Variants in MED27 observed in about 807,000 individuals in gnomAD.
The protein encoded by MED27 is mediator complex subunit 27, also known as mediator of RNA polymerase II transcription subunit 27.
In MED27, 30 loss-of-function variants were observed where a neutral mutation model predicts 38.2. The ratio of observed to expected loss-of-function variants is 0.79; its 90% CI spans 0.59 to 1.07. MED27 has a LOEUF of 1.07. Among genes scored for constraint, MED27 ranks in the 50% least tolerant of loss-of-function variants. The pLI, the probability that MED27 is intolerant of heterozygous loss-of-function variation, is 0.00. For synonymous variants in MED27, 122 were observed against 153.5 expected (o/e 0.79, Z 1.52); for missense variants, 289 against 397.5 (o/e 0.73, Z 2.32).
At chr9:131,980,582 G>A (rs1385571853) in intron 3 of MED27, among the ~76,000 whole-genome samples, 1 of 152,128 alleles carries the variant, frequency 6.6e-6, no homozygotes, top group African/African-American at 2.4e-5. Context: ...TTATCAGGAA[G>A]CATTTGACAG....
intron 2 of MED27, among the ~76,000 whole-genome samples, chr9:132,031,675 G>A (rs1415480915): frequency 6.6e-6 from 1 of 152,086 alleles, no homozygotes; most frequent in Admixed American, 6.5e-5. Context: ...TGCCTCTGAG[G>A]AGTGGCATAG....
chr9:131,887,310 C>G (rs1167364898), intron 5 of MED27, among the ~76,000 whole-genome samples: 1 of 152,100 alleles, frequency 6.6e-6, no homozygotes, highest in East Asian at 1.9e-4. Context: ...GGATGATGCT[C>G]TTTTTAAAAG....
intron 3 of MED27, among the ~76,000 whole-genome samples, chr9:132,008,032 C>A (rs9411331): frequency 0.61 from 92,377 of 152,036 alleles, 28,973 homozygotes; most frequent in Non-Finnish European, 0.68. Flanking sequence ...AATAAGATCT[C>A]GGTTTGCTGG....
intron 3 of MED27, among the ~76,000 whole-genome samples, chr9:131,960,538 A>C (rs1350929071): frequency 6.6e-6 from 1 of 152,216 alleles, no homozygotes; most frequent in African/African-American, 2.4e-5. Flanking sequence ...ACTGTAGTGA[A>C]TCACACTGTG....
chr9:132,062,860 C>T (rs1333762221), intron 2 of MED27, among the ~76,000 whole-genome samples: 2 of 152,138 alleles, frequency 1.3e-5, no homozygotes, highest in Non-Finnish European at 2.9e-5. Flanking sequence ...TGGGCTCAAG[C>T]TATCCTTAGC....
chr9:131,999,460 G>T (rs1832172767), intron 3 of MED27, among the ~76,000 whole-genome samples: 1 of 152,140 alleles, frequency 6.6e-6, no homozygotes, highest in Admixed American at 6.6e-5. Flanking sequence ...AAGATGAACA[G>T]GACAATGGGG....
At chr9:131,914,494 G>A (rs1002505046) in intron 4 of MED27, among the ~76,000 whole-genome samples, 33 of 152,220 alleles carry the variant, frequency 2.2e-4, no homozygotes, top group Non-Finnish European at 4.4e-4. Context: ...CACGAGCCAG[G>A]TGCTACTGTA....
chr9:131,952,583 A>T (rs1475073042), intron 3 of MED27, among the ~76,000 whole-genome samples: 2 of 152,156 alleles, frequency 1.3e-5, no homozygotes, highest in Non-Finnish European at 2.9e-5. Context: ...CGTGGACTGC[A>T]TCCATGGGCT....
At chr9:131,953,114 T>A (rs1831031304) in intron 3 of MED27, among the ~76,000 whole-genome samples, 1 of 152,252 alleles carries the variant, frequency 6.6e-6, no homozygotes, top group South Asian at 2.1e-4. Context: ...TGAACAACAT[T>A]CATTTAATAA....
intron 6 of MED27, among the ~76,000 whole-genome samples, chr9:131,876,647 G>A (rs1300075062): frequency 1.3e-5 from 2 of 152,072 alleles, no homozygotes; most frequent in East Asian, 1.9e-4. Context: ...CGATGCTTCT[G>A]CTTGGCGACC....
At chr9:132,009,428 T>C (rs1247503113) in intron 3 of MED27, among the ~76,000 whole-genome samples, 5 of 152,218 alleles carry the variant, frequency 3.3e-5, no homozygotes, top group African/African-American at 1.2e-4. Flanking sequence ...GTGTGTCTTC[T>C]GAGATTAGGT....
At chr9:131,941,975 G>A (rs1025453401) in intron 3 of MED27, among the ~76,000 whole-genome samples, 32 of 151,682 alleles carry the variant, frequency 2.1e-4, no homozygotes, top group East Asian at 3.9e-4. Context: ...ACAGGTGCCC[G>A]CCACCACGCC....
intron 3 of MED27, among the ~76,000 whole-genome samples, chr9:131,966,199 T>TAAAA (rs201789144): frequency 1.1e-4 from 11 of 96,362 alleles, no homozygotes; most frequent in South Asian, 3.9e-4. Context: ...CCTGTTTCTT[T>TAAAA]AAAAAAAAAA....
intron 3 of MED27, among the ~76,000 whole-genome samples, chr9:131,989,178 A>T (rs1831917805): frequency 6.6e-6 from 1 of 152,224 alleles, no homozygotes; most frequent in Non-Finnish European, 1.5e-5. Context: ...CTATTTGTAG[A>T]TGAAGAAACT....
At position 132,028,959 on chromosome 9, in the gene MED27, CAGG is replaced by C. The variant is rs551532709; in HGVS notation, c.349-14495_349-14493del. On this transcript the variant is annotated intron_variant, in intron 2 of 7. Coordinates refer to ENST00000292035, the MANE Select transcript of MED27 (RefSeq NM_004269.4). ...ACATTTGCAGATTCACCGGTAGCTTCAGGAGGCCAGTCTCTTGAGACCTGGAAG... is the reference window on the plus strand; with the variant it reads ...ACATTTGCAGATTCACCGGTAGCTTCAGGCCAGTCTCTTGAGACCTGGAAG... Among the ~76,000 whole-genome samples, 26 of 152,316 alleles carry C rather than the reference CAGG, an allele frequency of 1.7e-4. 1 individual carries two copies. The East Asian group carries it at 4.8e-3, about 28-fold the overall frequency.
intron 2 of MED27, among the ~76,000 whole-genome samples, chr9:132,056,388 G>A (rs551464249): frequency 5.3e-5 from 8 of 152,190 alleles, no homozygotes; most frequent in South Asian, 2.1e-4. Flanking sequence ...CACAGTAGCC[G>A]GCCTCCCATC....
chr9:131,929,463 G>C lies in MED27; in HGVS notation c.573+9918C>G, dbSNP rs115530464. ...CCTAGGCTCTTAGATGGTATTTCTG[G>C]ACCTGCTCTGGCAGAGGGGCATCCA... On this transcript the variant is annotated intron_variant, in intron 4 of 7. Transcript: ENST00000292035. Among the ~76,000 whole-genome samples the C allele has an allele frequency of 2.8e-3, 426 of 152,298 alleles. 1 individual carries two copies. The highest frequency in any genetic ancestry group is 9.9e-3 in the African/African-American group (413 of 41,552).
chr9:131,903,578 C>T (rs192065797), intron 4 of MED27, among the ~76,000 whole-genome samples: 4 of 152,284 alleles, frequency 2.6e-5, no homozygotes, highest in Admixed American at 6.5e-5. Flanking sequence ...CTGGGAAAGG[C>T]GGCCCACATG....
At chr9:131,865,273 A>G (rs1187417596) in intron 6 of MED27, among the ~76,000 whole-genome samples, 2 of 152,176 alleles carry the variant, frequency 1.3e-5, no homozygotes, top group African/African-American at 4.8e-5. Context: ...TTCTAAAATG[A>G]GCAATGTTTT....
Sources: allele counts gnomAD v4.1 joint callset (sites outside exome capture counted in the v4.1 genomes callset), GRCh38; gene constraint gnomAD v4.1.1; transcripts MANE v1.5; gene names NCBI Gene and HGNC (gene_info 2026-07-23, HGNC 2026-07-21).